Variants in CSNK1G3 observed in about 807,000 individuals in gnomAD.
The protein encoded by CSNK1G3 is casein kinase I isoform gamma-3.
In CSNK1G3, 23 loss-of-function variants were observed where a neutral mutation model predicts 64.3. The observed-to-expected ratio is 0.36, with a 90% confidence interval of 0.26 to 0.51. CSNK1G3 has a LOEUF of 0.51. Ranked by LOEUF, CSNK1G3 falls within the 20% of genes least tolerant of loss-of-function variation. The pLI is 0.96. For missense variants in CSNK1G3, 357 were observed against 510.5 expected (o/e 0.70, Z 2.90); for synonymous variants, 158 against 162.2 (o/e 0.97, Z 0.20).
chr5:123,533,692 A>G (rs1780327236), intron 1 of CSNK1G3, among the ~76,000 whole-genome samples: 1 of 151,372 alleles, frequency 6.6e-6, no homozygotes, highest in Non-Finnish European at 1.5e-5. Context: ...TTTCTTATAT[A>G]TTTATGTGTT....
At chr5:123,533,412 G>T (rs2150118457) in intron 1 of CSNK1G3, among the ~76,000 whole-genome samples, 1 of 151,876 alleles carries the variant, frequency 6.6e-6, no homozygotes, top group South Asian at 2.1e-4. Context: ...ACAAGCTTTT[G>T]AATCAAGTAG....
At chr5:123,588,218 C>A in intron 7 of CSNK1G3, 65 bp downstream of exon 7, 1 of 1,241,594 alleles carries the variant, frequency 8.1e-7, no homozygotes, top group Non-Finnish European at 1.2e-6. Flanking sequence ...TCCTGTCTTC[C>A]AACTAAACAG....
At chr5:123,594,787 TTTCTAAAGTATTTTTAC>T (rs1486572365) in intron 10 of CSNK1G3, among the ~76,000 whole-genome samples, 1 of 152,182 alleles carries the variant, frequency 6.6e-6, no homozygotes, top group Non-Finnish European at 1.5e-5. Context: ...GAGTCTGTGA[TTTCTAAAGTATTTTTAC>T]TTCTAAAATT....
intron 6 of CSNK1G3, among the ~76,000 whole-genome samples, chr5:123,586,264 G>C (rs922156385): frequency 2.6e-5 from 4 of 152,150 alleles, no homozygotes; most frequent in African/African-American, 9.7e-5. Flanking sequence ...GGTATTGTGG[G>C]GGTTGGGGGA....
chr5:123,544,964 T>A (rs965087510), intron 1 of CSNK1G3, among the ~76,000 whole-genome samples: 6 of 100,622 alleles, frequency 6.0e-5, no homozygotes, highest in African/African-American at 2.2e-4. Flanking sequence ...TAATATATAT[T>A]TAAAAAAGAC....
intron 10 of CSNK1G3, among the ~76,000 whole-genome samples, chr5:123,603,131 A>G (rs1345344346): frequency 1.3e-5 from 2 of 152,136 alleles, no homozygotes; most frequent in Non-Finnish European, 2.9e-5. Flanking sequence ...AGTGTCCTGA[A>G]TACATTTTCT....
At chr5:123,528,167 A>T (rs1025347319) in intron 1 of CSNK1G3, among the ~76,000 whole-genome samples, 5 of 151,966 alleles carry the variant, frequency 3.3e-5, no homozygotes, top group Admixed American at 6.6e-5. Context: ...GCATTTTGTG[A>T]CCTCCTTTAG....
chr5:123,571,482 C>T (rs1422542017), intron 4 of CSNK1G3, among the ~76,000 whole-genome samples: 1 of 151,984 alleles, frequency 6.6e-6, no homozygotes, highest in African/African-American at 2.4e-5. Flanking sequence ...CACTCATATT[C>T]ATATCTGAGA....
At chr5:123,542,415 C>A (rs1290901781) in intron 1 of CSNK1G3, among the ~76,000 whole-genome samples, 1 of 152,138 alleles carries the variant, frequency 6.6e-6, no homozygotes, top group Non-Finnish European at 1.5e-5. Context: ...AATTAATACT[C>A]ATGCATTTCC....
At chr5:123,577,535 CT>C (rs1789415391) in intron 6 of CSNK1G3, among the ~76,000 whole-genome samples, 1 of 145,902 alleles carries the variant, frequency 6.9e-6, no homozygotes, top group Non-Finnish European at 1.5e-5. Flanking sequence ...AATTCCATCC[CT>C]TTTCCATATT....
In CSNK1G3 at chr5:123,566,987, C is replaced by T. The variant is rs180678387; in HGVS notation, c.290-6406C>T. ...TTGCTGCTGATAAATTGCCCTGAGGCGGGGCAATTTACAAAAGAAAGAGGT... is the reference window on the plus strand; with the variant it reads ...TTGCTGCTGATAAATTGCCCTGAGGTGGGGCAATTTACAAAAGAAAGAGGT... On this transcript the variant is annotated intron_variant, in intron 4 of 12. Transcript: ENST00000345990. Among the ~76,000 whole-genome samples, 39 of 152,204 alleles carry T rather than the reference C, an allele frequency of 2.6e-4. No homozygotes were observed. In the East Asian group the frequency reaches 3.9e-3, roughly 15 times the overall value.
rs542285126 is a variant in CSNK1G3, at chr5:123,583,910, T to C, written c.674-4158T>C. Among the ~76,000 whole-genome samples, 22 of 152,034 alleles carry C rather than the reference T, an allele frequency of 1.4e-4. No homozygotes were observed. In the East Asian group the frequency reaches 2.9e-3, roughly 20 times the overall value. ...TTTCTCTATGTTGCCCAAGCTAGTCTTGAACTCCTGGTCTCAGGCTATCCA... is the reference window on the plus strand; with the variant it reads ...TTTCTCTATGTTGCCCAAGCTAGTCCTGAACTCCTGGTCTCAGGCTATCCA... On this transcript the variant is annotated intron_variant, in intron 6 of 12. Transcript: ENST00000345990.
chr5:123,566,247 GGAGTGAGGGT>G (rs1561533396), intron 4 of CSNK1G3, among the ~76,000 whole-genome samples: 1 of 152,090 alleles, frequency 6.6e-6, no homozygotes, highest in East Asian at 1.9e-4. Context: ...GAATTTTGGG[GGAGTGAGGGT>G]GAGATTGTAT....
intron 6 of CSNK1G3, among the ~76,000 whole-genome samples, chr5:123,583,794 C>A (rs1359945314): frequency 6.6e-6 from 1 of 152,112 alleles, no homozygotes; most frequent in African/African-American, 2.4e-5. Flanking sequence ...ATCCTCCCAC[C>A]TCAGCCTCCC....
intron 10 of CSNK1G3, among the ~76,000 whole-genome samples, 161 bp from the exon 11 acceptor site, chr5:123,594,878 T>G (rs1561598773): frequency 6.6e-6 from 1 of 152,196 alleles, no homozygotes; most frequent in African/African-American, 2.4e-5. Flanking sequence ...TTAAAATCAC[T>G]CCACATTCTG....
chr5:123,574,574 C>T (rs1043422282), intron 5 of CSNK1G3, among the ~76,000 whole-genome samples: 1 of 151,824 alleles, frequency 6.6e-6, no homozygotes, highest in Non-Finnish European at 1.5e-5. Context: ...AATCCCAGCA[C>T]TTTGGGGAGT....
chr5:123,525,993 G>A (rs1470811115), intron 1 of CSNK1G3, among the ~76,000 whole-genome samples: 11 of 139,536 alleles, frequency 7.9e-5, no homozygotes, highest in Non-Finnish European at 1.1e-4. Flanking sequence ...GCGAGACTCC[G>A]TCTCAAAAAA....
At chr5:123,588,210 C>A in intron 7 of CSNK1G3, 57 bp downstream of exon 7, 1 of 1,296,560 alleles carries the variant, frequency 7.7e-7, no homozygotes, top group Non-Finnish European at 1.1e-6. Flanking sequence ...TATTAAGGTC[C>A]TGTCTTCCAA....
intron 1 of CSNK1G3, among the ~76,000 whole-genome samples, chr5:123,533,962 G>A (rs970418674): frequency 2.6e-5 from 4 of 151,672 alleles, no homozygotes; most frequent in African/African-American, 9.7e-5. Context: ...TTCTTTTGCT[G>A]TTCTGTTTTC....
Sources: gnomAD v4.1 joint callset for allele counts (sites outside exome capture counted in the v4.1 genomes callset) on GRCh38, gnomAD v4.1.1 for gene constraint, MANE v1.5 for transcripts, NCBI Gene and HGNC (gene_info 2026-07-23, HGNC 2026-07-21) for gene names.